The following ARRDC2 variants were observed in gnomAD, a reference collection of about 807,000 sequenced individuals.
ARRDC2 encodes arrestin domain-containing protein 2.
A neutral mutation model predicts 38.9 loss-of-function variants in ARRDC2; 39 were observed. That is an observed-to-expected ratio of 1.00 (90% CI 0.78 to 1.31). ARRDC2 has a LOEUF of 1.31. ARRDC2 is among the 50% of genes most tolerant of loss of function. The pLI, the probability that ARRDC2 is intolerant of heterozygous loss-of-function variation, is 0.00. For missense variants in ARRDC2, 553 were observed against 588.4 expected, an observed-to-expected ratio of 0.94 and a Z score of 0.62; for synonymous variants, 300 against 261.9, an observed-to-expected ratio of 1.15 and a Z score of -1.41.
At chr19:18,001,542 C>T in exon 1 of ARRDC2, 1 of 1,382,988 alleles carries the variant, frequency 7.2e-7, no homozygotes, top group Non-Finnish European at 9.4e-7. Context: ...CCGCGGAGAC[C>T]TACCTGCGGC....
At chr19:18,006,474 T>C (rs1262223944), upstream of ARRDC2, among the ~76,000 whole-genome samples, 2 of 151,966 alleles carry the variant, frequency 1.3e-5, no homozygotes, top group East Asian at 1.9e-4. Flanking sequence ...AAAAAACCAG[T>C]CAGGCGTGGC....
In ARRDC2 at chr19:18,008,800, TTGCCCTAAGCC is replaced by T. The variant is rs760450651; in HGVS notation, c.341+27_341+37del. On this transcript the variant is annotated intron_variant, in intron 2 of 7. Transcript: ENST00000222250. ...CCCGTAAGTCCTCTGGGGTGCAGGG[TTGCCCTAAGCC>T]TGCAGCCCCTTCCAGATTGGTACCT... 1.9e-6 allele frequency: 3 copies of T among 1,612,496 alleles called. No homozygotes were observed. The South Asian group carries it at 3.3e-5, about 18-fold the overall frequency.
At chr19:18,006,582 T>A (rs1356645599), upstream of ARRDC2, among the ~76,000 whole-genome samples, 2 of 152,136 alleles carry the variant, frequency 1.3e-5, no homozygotes, top group Admixed American at 1.3e-4. Context: ...CAGTCCAGCT[T>A]CTGCTCGGCA....
rs749791386 is a variant in ARRDC2, at chr19:18,009,981, C to A, written c.791C>A (p.Pro264His). ...TGGCAGGGCCGGGCACTGCGGATCC[C>A]CCCAGTGGGTCCTTCCATCCTGCAC... is the stretch of plus-strand genomic sequence containing the variant. ...ALWQGRALRI[P>H]PVGPSILHCR... Residue 264 changes from proline (P) to histidine (H), a missense_variant, in exon 5 of 8, where the codon CCC becomes CAC. By Grantham distance (77) the Pro-to-His change is moderately conservative. Coordinates refer to ENST00000222250, the MANE Select transcript of ARRDC2 (RefSeq NM_015683.2). The A allele has an allele frequency of 6.2e-7, 1 of 1,602,866 alleles. No homozygotes were observed. The highest frequency in any genetic ancestry group is 2.2e-5 in the East Asian group (1 of 44,872).
intron 7 of ARRDC2, 49 bp downstream of exon 7, chr19:18,010,778 G>A (rs1298542672): frequency 6.3e-7 from 1 of 1,586,120 alleles, no homozygotes; most frequent in South Asian, 1.1e-5. Flanking sequence ...GGCCCTGGGA[G>A]CCTTGATGGG....
At chr19:18,003,709 G>A (rs1415163399), upstream of ARRDC2, among the ~76,000 whole-genome samples, 3 of 151,732 alleles carry the variant, frequency 2.0e-5, no homozygotes, top group South Asian at 2.1e-4. Context: ...GCACCATCTC[G>A]GCTCACTGCA....
Position 18,013,190 on chromosome 19 carries a change from C to T in ARRDC2, c.*224C>T. The stretch of plus-strand genomic sequence containing the variant: ...CTGTCCTTGTGAGGCATTGAATGCC[C>T]AGTGCAGTATCCGAGAGACTGTTTA... On this transcript the variant is annotated 3_prime_UTR_variant, in exon 8 of 8. Transcript: ENST00000222250. 1 of 570,746 alleles carries T rather than the reference C, an allele frequency of 1.8e-6. No homozygotes were observed. Among genetic ancestry groups the T allele is most frequent in the Non-Finnish European group, 3.1e-6 (1 of 320,542 alleles). The allele number at this position is 570,746 out of a possible 1,614,324, so 35.4% of individuals were successfully genotyped here.
chr19:18,006,671 A>C (rs572639851), upstream of ARRDC2, among the ~76,000 whole-genome samples: 2 of 152,218 alleles, frequency 1.3e-5, no homozygotes, highest in South Asian at 2.1e-4. Context: ...AAAATTGTTA[A>C]ATTGTTATAC....
intron 2 of ARRDC2, 62 bp from the exon 3 acceptor site, chr19:18,008,909 T>G (rs1310932673): frequency 6.2e-7 from 1 of 1,604,864 alleles, no homozygotes; most frequent in South Asian, 1.1e-5. Context: ...TGTCTGTGTC[T>G]CCTTCTCCCT....
Position 18,009,933 on chromosome 19 carries a change from TGGGCCCC to T in ARRDC2, c.748_754del (p.Pro250SerfsTer50). On this transcript the variant is annotated frameshift_variant, in exon 5 of 8. Coordinates refer to ENST00000222250, the MANE Select transcript of ARRDC2 (RefSeq NM_015683.2). LOFTEE classifies it high-confidence loss of function. ...GTGGCCAGCCTCGCGGGCGAGCCGGTGGGCCCCGGGCAGCGGGCGCTGTGGCAGGGCC... is the reference window on the plus strand; with the variant it reads ...GTGGCCAGCCTCGCGGGCGAGCCGGTGGGCAGCGGGCGCTGTGGCAGGGCC... 6.2e-7 allele frequency: 1 copy of T among 1,606,234 alleles called. No homozygotes were observed. The highest frequency in any genetic ancestry group is 8.5e-7 in the Non-Finnish European group (1 of 1,178,798).
exon 1 of ARRDC2, chr19:18,001,262 C>T: frequency 1.7e-6 from 2 of 1,160,850 alleles, no homozygotes; most frequent in Non-Finnish European, 2.1e-6. Flanking sequence ...CAGGCGCGCC[C>T]GGGCCGTGTG....
chr19:18,011,952 A>ATT lies in ARRDC2; in HGVS notation c.1171-940_1171-939dup, dbSNP rs71164342. Among the ~76,000 whole-genome samples the ATT allele has an allele frequency of 1.5e-3, 151 of 100,740 alleles. 3 individuals are homozygous for ATT. Among genetic ancestry groups the ATT allele is most frequent in the Middle Eastern group, 6.4e-3 (1 of 156 alleles). The allele number at this position is 100,740 out of a possible 152,430, so 66.1% of individuals were successfully genotyped here. On this transcript the variant is annotated intron_variant, in intron 7 of 7. Transcript: ENST00000222250. ...TATATGTGTATATATATATATATAT[A>ATT]TTTTTTTTTTTTTTTTTTTTTTGAG... is the stretch of plus-strand genomic sequence containing the variant.
chr19:18,008,138 C>CCCCGG, upstream of ARRDC2: 8 of 1,339,102 alleles, frequency 6.0e-6, no homozygotes, highest in African/African-American at 1.6e-5. Flanking sequence ...CCCGCCCTGC[C>CCCCGG]GTATAAAAGC....
intron 7 of ARRDC2, among the ~76,000 whole-genome samples, chr19:18,012,344 T>A (rs1422153195): frequency 6.6e-6 from 1 of 151,210 alleles, no homozygotes; most frequent in Admixed American, 6.6e-5. Flanking sequence ...CCCAGCACTT[T>A]GGGAGGCTGA....
At chr19:18,002,774 G>T (rs904965646) in intron 1 of ARRDC2, among the ~76,000 whole-genome samples, 51 of 152,256 alleles carry the variant, frequency 3.3e-4, no homozygotes, top group African/African-American at 1.1e-3. Context: ...TCACCCGAAG[G>T]CCGGCCCAGA....
upstream of ARRDC2, among the ~76,000 whole-genome samples, chr19:18,006,058 G>T (rs560060250): frequency 6.8e-6 from 1 of 147,154 alleles, no homozygotes; most frequent in African/African-American, 2.5e-5. Context: ...TCCTCACTTC[G>T]TAGATGGGAT....
upstream of ARRDC2, among the ~76,000 whole-genome samples, chr19:18,005,005 A>AT (rs1207759879): frequency 1.3e-5 from 2 of 149,622 alleles, no homozygotes; most frequent in East Asian, 3.9e-4. Context: ...AGAAAAGCAA[A>AT]TTTAAAAAAA....
upstream of ARRDC2, among the ~76,000 whole-genome samples, chr19:18,006,116 G>A (rs1212486404): frequency 2.6e-5 from 4 of 151,112 alleles, no homozygotes; most frequent in South Asian, 4.2e-4. Context: ...GATGGCGGCC[G>A]GGCAGAGACG....
upstream of ARRDC2, chr19:18,008,121 A>ACCCGCATAAAACCGGGC: frequency 2.7e-6 from 1 of 364,080 alleles, no homozygotes; most frequent in Non-Finnish European, 4.2e-6. Flanking sequence ...CGGTGACCCC[A>ACCCGCATAAAACCGGGC]CCCCCCCCCG....
Sources: allele counts gnomAD v4.1 joint callset (sites outside exome capture counted in the v4.1 genomes callset), GRCh38; gene constraint gnomAD v4.1.1; transcripts MANE v1.5; gene names NCBI Gene and HGNC (gene_info 2026-07-23, HGNC 2026-07-21).